Variants in DENND4A observed in about 807,000 individuals in gnomAD.
DENND4A encodes DENN domain containing 4A.
DENND4A carries 70 observed loss-of-function variants against 199.3 expected under a neutral mutation model. That is an observed-to-expected ratio of 0.35 (90% CI 0.29 to 0.43). DENND4A has a LOEUF of 0.43. Ranked by LOEUF, DENND4A falls within the 20% of genes least tolerant of loss-of-function variation. The pLI is 1.00. For synonymous variants in DENND4A, 686 were observed against 766.9 expected (o/e 0.89, Z 1.74); for missense variants, 1,723 against 2,255.8 (o/e 0.76, Z 4.78).
At chr15:65,722,225 G>T (rs72741247) in intron 12 of DENND4A, among the ~76,000 whole-genome samples, 6,212 of 152,168 alleles carry the variant, frequency 0.041, 190 homozygotes, top group Middle Eastern at 0.1. Context: ...GCTCATGCCC[G>T]TAATCCCAGC....
In DENND4A at chr15:65,756,127, A is replaced by G. The variant is rs2076695797; in HGVS notation, c.311+13T>C. On this transcript the variant is annotated intron_variant, in intron 3 of 32. Coordinates refer to ENST00000443035, the MANE Select transcript of DENND4A (RefSeq NM_001320835.1). ...TGGATCAATAACAGTAAGTCGTTTAAAAAAATACTTACCCCAGATCTGTAA... is the reference window on the plus strand; with the variant it reads ...TGGATCAATAACAGTAAGTCGTTTAGAAAAATACTTACCCCAGATCTGTAA... 7.6e-6 allele frequency: 12 copies of G among 1,579,998 alleles called. No homozygotes were observed. Among genetic ancestry groups the G allele is most frequent in the African/African-American group, 2.7e-5 (2 of 73,600 alleles).
chr15:65,662,817 A>AC (rs1283880401), intron 32 of DENND4A, among the ~76,000 whole-genome samples: 26 of 152,138 alleles, frequency 1.7e-4, no homozygotes, highest in Non-Finnish European at 7.3e-5. Context: ...CCACAGTGGT[A>AC]CCCATGAAGG....
chr15:65,744,353 G>A (rs2076332799), intron 4 of DENND4A, among the ~76,000 whole-genome samples: 1 of 152,164 alleles, frequency 6.6e-6, no homozygotes, highest in Non-Finnish European at 1.5e-5. Flanking sequence ...AGACATCCAA[G>A]TGAAGAACTA....
rs767011846 is a variant in DENND4A at position 65,691,112 on chromosome 15, G to C, written c.3482C>G (p.Ser1161Cys). The change falls in exon 23 of 33, where the codon TCT becomes TGT. Residue 1161 changes from serine to cysteine, a missense_variant. By Grantham distance (112) the Ser-to-Cys change is moderately radical (BLOSUM62 -1). Coordinates refer to ENST00000443035, the MANE Select transcript of DENND4A (RefSeq NM_001320835.1). ...GTCTTCTAAGTCAAAAATAACAGGA[G>C]AATCCACTTTATCTGCCAAATAGTT... is the stretch of plus-strand genomic sequence containing the variant. ...GSNYLADKVD[S>C]PVIFDLEDLD... The C allele has an allele frequency of 6.2e-7, 1 of 1,613,200 alleles. No individual in the cohort carries two copies. Among genetic ancestry groups the C allele is most frequent in the South Asian group, 1.1e-5 (1 of 91,016 alleles).
chr15:65,753,611 G>A (rs1392127590), intron 3 of DENND4A, among the ~76,000 whole-genome samples: 2 of 152,008 alleles, frequency 1.3e-5, no homozygotes, highest in African/African-American at 4.8e-5. Flanking sequence ...TGTCTGCCTC[G>A]GCCTCCCAAA....
At chr15:65,745,380 T>C (rs2076361458) in intron 4 of DENND4A, among the ~76,000 whole-genome samples, 2 of 152,190 alleles carry the variant, frequency 1.3e-5, no homozygotes, top group African/African-American at 4.8e-5. Flanking sequence ...TATTTTAATA[T>C]AGTTTAATGA....
intron 25 of DENND4A, 77 bp downstream of exon 25, chr15:65,671,715 C>G (rs574491824): frequency 9.6e-7 from 1 of 1,044,968 alleles, no homozygotes; most frequent in Non-Finnish European, 1.5e-6. Flanking sequence ...TATTACTCTA[C>G]CTGGGACCAC....
In DENND4A at chr15:65,757,442, T is replaced by C. The variant is rs141637783; in HGVS notation, c.-22-970A>G. The stretch of plus-strand genomic sequence containing the variant: ...AGATAAGCACTTCAGACCACATAGA[T>C]AGAGAATTGGAACTGAGCCACCTAT... On this transcript the variant is annotated intron_variant, in intron 2 of 32. Transcript: ENST00000443035. Among the ~76,000 whole-genome samples, 241 of 152,124 alleles carry C rather than the reference T, an allele frequency of 1.6e-3. 1 individual carries two copies. Among genetic ancestry groups the C allele is most frequent in the African/African-American group, 4.8e-3 (200 of 41,488 alleles).
At position 65,715,536 on chromosome 15, in the gene DENND4A, C is replaced by T; in HGVS notation, c.1895G>A (p.Cys632Tyr). 6.2e-7 allele frequency: 1 copy of T among 1,611,072 alleles called. No individual in the cohort carries two copies. The highest frequency in any genetic ancestry group is 8.5e-7 in the Non-Finnish European group (1 of 1,179,072). ...TGCATCTTTGTCACTAACAAAAGAA[C>T]ATTCTTCAATGAAGCGAATAAACAT... ...TQMFIRFIEE[C>Y]SFVSDKDASL... The change falls in exon 14 of 33, where the codon TGT becomes TAT. Residue 632 changes from cysteine (C) to tyrosine (Y), a missense_variant. By Grantham distance (194) the Cys-to-Tyr change is radical. Transcript: ENST00000443035.
intron 27 of DENND4A, among the ~76,000 whole-genome samples, chr15:65,668,537 A>G (rs1835645740): frequency 6.6e-6 from 1 of 151,250 alleles, no homozygotes; most frequent in African/African-American, 2.4e-5. Flanking sequence ...TCCGAGCTAG[A>G]TGGTCGGGCG....
At chr15:65,692,024 A>AACTCTTG (rs2076989976) in intron 22 of DENND4A, among the ~76,000 whole-genome samples, 1 of 146,100 alleles carries the variant, frequency 6.8e-6, no homozygotes, top group African/African-American at 2.5e-5. Flanking sequence ...GTTGGTCTTG[A>AACTCTTG]ACTCTTGGGC....
intron 29 of DENND4A, 30 bp downstream of exon 29, chr15:65,667,419 T>C (rs182512969): frequency 2.7e-5 from 44 of 1,604,938 alleles, no homozygotes; most frequent in Admixed American, 2.2e-4. Flanking sequence ...AACAGAAGCA[T>C]TCATTGCCTT....
At chr15:65,741,648 T>C (rs1459462102) in intron 5 of DENND4A, 67 bp downstream of exon 5, 2 of 1,371,768 alleles carry the variant, frequency 1.5e-6, no homozygotes, top group East Asian at 2.3e-5. Flanking sequence ...CAGGTTTCTT[T>C]ACTTTAACCT....
chr15:65,731,678 A>T lies in DENND4A; in HGVS notation c.1130T>A (p.Ile377Asn). ...AGGTGAAGACACAGGCTGACTGAGA[A>T]TCAGATTATCATGTGGTGATAACTG... ...LVQLSPHDNL[I>N]LSQPVSSPLP... Residue 377 changes from isoleucine to asparagine, a missense_variant, in exon 9 of 33, where the codon ATT becomes AAT. By Grantham distance (149) the Ile-to-Asn change is moderately radical. This residue lies in a region of DENND4A where 725 missense variants were observed against 952.9 expected (regional missense o/e 0.76). Transcript: ENST00000443035. The T allele has an allele frequency of 6.4e-7, 1 of 1,559,772 alleles. No homozygotes were observed. Among genetic ancestry groups the T allele is most frequent in the Non-Finnish European group, 8.7e-7 (1 of 1,150,636 alleles).
chr15:65,697,377 T>A lies in DENND4A; in HGVS notation c.2840A>T (p.Gln947Leu). 6.3e-7 allele frequency: 1 copy of A among 1,591,568 alleles called. No individual in the cohort carries two copies. The highest frequency in any genetic ancestry group is 1.1e-5 in the South Asian group (1 of 87,780). ...TAATGAATTATATCCAAGATCAGACTGGCCACCTGGTAAAAACAAAAATAA... is the reference window on the plus strand; with the variant it reads ...TAATGAATTATATCCAAGATCAGACAGGCCACCTGGTAAAAACAAAAATAA... ...ATDDRSSTGG[Q>L]SDLGYNSLSK... The change falls in exon 21 of 33, where the codon CAG becomes CTG. Residue 947 changes from glutamine (Q) to leucine (L), a missense_variant. This residue lies in a region of DENND4A where 650 missense variants were observed against 738.1 expected (regional missense o/e 0.88). Transcript: ENST00000443035.
Position 65,676,431 on chromosome 15 carries a change from C to T in DENND4A, c.4369+14G>A, listed in dbSNP as rs367848972. On this transcript the variant is annotated intron_variant, in intron 24 of 32. Transcript: ENST00000443035. Reference sequence around the variant, plus strand: ...ACAAATCAAATGCAGTATGACAGAACTGTTTGGACAAACCTTCCAAGGATG... The same window carrying T: ...ACAAATCAAATGCAGTATGACAGAATTGTTTGGACAAACCTTCCAAGGATG... 1.9e-4 allele frequency: 305 copies of T among 1,578,452 alleles called. No homozygotes were observed. The highest frequency in any genetic ancestry group is 2.5e-4 in the Non-Finnish European group (292 of 1,160,520).
At chr15:65,665,508 T>C (rs1311343464) in intron 29 of DENND4A, 46 bp from the exon 30 acceptor site, 6 of 1,392,258 alleles carry the variant, frequency 4.3e-6, no homozygotes, top group Non-Finnish European at 5.9e-6. Context: ...ACATGATAAT[T>C]TTTCATAAGT....
intron 9 of DENND4A, 179 bp downstream of exon 9, chr15:65,731,463 A>T: frequency 1.6e-6 from 1 of 634,722 alleles, no homozygotes; most frequent in Non-Finnish European, 3.0e-6. Context: ...CACTATTAGA[A>T]AAGTTTCCTT....
intron 1 of DENND4A, among the ~76,000 whole-genome samples, chr15:65,764,324 C>A (rs1417149572): frequency 6.6e-6 from 1 of 151,994 alleles, no homozygotes; most frequent in Non-Finnish European, 1.5e-5. Flanking sequence ...ACAGCAAGAC[C>A]TCATCTGGAC....
Sources: gnomAD v4.1 joint callset for allele counts (sites outside exome capture counted in the v4.1 genomes callset) on GRCh38, gnomAD v4.1.1 for gene constraint, gnomAD v4.1.1 regional missense constraint, MANE v1.5 for transcripts, NCBI Gene and HGNC (gene_info 2026-07-23, HGNC 2026-07-21) for gene names.